Variants in SCN11A observed in about 807,000 individuals in gnomAD.
The protein encoded by SCN11A is sodium channel protein type 11 subunit alpha.
In SCN11A, 122 loss-of-function variants were observed where a neutral mutation model predicts 162.2. The ratio of observed to expected loss-of-function variants is 0.75; its 90% confidence interval spans 0.65 to 0.87. The LOEUF is 0.87. Among genes scored for constraint, SCN11A ranks in the 40% least tolerant of loss-of-function variants. SCN11A has a pLI of 0.00. For missense variants in SCN11A, 2,015 were observed against 2,181.6 expected (o/e 0.92, Z 1.52); for synonymous variants, 758 against 751.5 (o/e 1.01, Z -0.14).
intron 11 of SCN11A, among the ~76,000 whole-genome samples, chr3:38,914,183 CA>C (rs1239188541): frequency 6.6e-6 from 1 of 151,980 alleles, no homozygotes; most frequent in Non-Finnish European, 1.5e-5. Context: ...CAGCATTTTG[CA>C]ATTCTCATTG....
chr3:38,908,869 A>T (rs1452832423), intron 13 of SCN11A, 128 bp downstream of exon 13: 10 of 760,066 alleles, frequency 1.3e-5, no homozygotes, highest in Non-Finnish European at 2.0e-5. Flanking sequence ...ATATTCTCAG[A>T]AAAGCACCAG....
intron 7 of SCN11A, among the ~76,000 whole-genome samples, chr3:38,935,796 G>C (rs879784328): frequency 2.6e-5 from 4 of 152,188 alleles, no homozygotes; most frequent in Admixed American, 6.5e-5. Flanking sequence ...GAGGTACAAG[G>C]AGGAACTGGT....
At chr3:38,918,364 G>A (rs2065993816) in intron 11 of SCN11A, among the ~76,000 whole-genome samples, 1 of 152,150 alleles carries the variant, frequency 6.6e-6, no homozygotes, top group African/African-American at 2.4e-5. Context: ...GCAGGCGAGT[G>A]AGCATTACAC....
intron 19 of SCN11A, among the ~76,000 whole-genome samples, chr3:38,889,802 A>AAAAAAATAAAAT (rs1216685337): frequency 3.1e-5 from 4 of 130,914 alleles, no homozygotes; most frequent in Non-Finnish European, 4.8e-5. Context: ...TCCATCTCAA[A>AAAAAAATAAAAT]AAAATAAAAT....
At chr3:38,876,966 A>T (rs1311989799) in intron 23 of SCN11A, among the ~76,000 whole-genome samples, 2 of 151,068 alleles carry the variant, frequency 1.3e-5, no homozygotes, top group African/African-American at 4.9e-5. Context: ...CCATCAATCA[A>T]CCAGTGGATA....
At chr3:38,948,008 C>T (rs554339684) in intron 5 of SCN11A, among the ~76,000 whole-genome samples, 1 of 152,346 alleles carries the variant, frequency 6.6e-6, no homozygotes, top group South Asian at 2.1e-4. Flanking sequence ...GGTGCCAGAA[C>T]GTCAGCCACT....
chr3:39,043,497 A>C (rs1209859493), intron 1 of SCN11A, among the ~76,000 whole-genome samples: 1 of 151,988 alleles, frequency 6.6e-6, no homozygotes, highest in East Asian at 1.9e-4. Context: ...AAAAAAAAAA[A>C]AAACCCAGAA....
At position 38,867,460 on chromosome 3, in the gene SCN11A, T is replaced by C. The variant is rs778934870; in HGVS notation, c.3814-2A>G. 6.3e-6 allele frequency: 10 copies of C among 1,589,766 alleles called. No homozygotes were observed. The Admixed American group carries it at 1.5e-4, about 24-fold the overall frequency. On this transcript the variant is annotated splice_acceptor_variant, in intron 26 of 29. Coordinates refer to ENST00000302328, the MANE Select transcript of SCN11A (RefSeq NM_001349253.2). LOFTEE classifies it high-confidence loss of function. ...CTCAAACTCTGGCTGTTGTTCTTTC[T>C]GTTAGAAATTTTTTTAATAAGAGAA...
Position 38,894,605 on chromosome 3 carries a change from C to T in SCN11A, c.2763G>A (p.Glu921=). The change falls in exon 19 of 30, where the codon GAG becomes GAA. Residue 921 remains glutamate (E), a synonymous_variant. Coordinates refer to ENST00000302328, the MANE Select transcript of SCN11A (RefSeq NM_001349253.2). ...HDWTWLAPLA[E]EEDDVEFSGE... Reference sequence around the variant, plus strand: ...CAGAAAATTCAACGTCATCTTCCTCCTCCGCAAGTGGTGCCAACCAAGTCC... The same window carrying T: ...CAGAAAATTCAACGTCATCTTCCTCTTCCGCAAGTGGTGCCAACCAAGTCC... 6.2e-7 allele frequency: 1 copy of T among 1,614,128 alleles called. No homozygotes were observed. The highest frequency in any genetic ancestry group is 8.5e-7 in the Non-Finnish European group (1 of 1,180,000).
chr3:39,023,184 G>A (rs1286124994), intron 2 of SCN11A, among the ~76,000 whole-genome samples: 3 of 152,152 alleles, frequency 2.0e-5, no homozygotes, highest in Non-Finnish European at 4.4e-5. Context: ...GAAACTGGAT[G>A]GGGACACAGC....
chr3:38,889,142 C>T (rs1435511956), intron 19 of SCN11A, among the ~76,000 whole-genome samples: 1 of 152,028 alleles, frequency 6.6e-6, no homozygotes, highest in Non-Finnish European at 1.5e-5. Flanking sequence ...TTACCTATTG[C>T]AGGCCAGGCA....
chr3:39,003,932 T>C (rs1469815337), intron 2 of SCN11A, among the ~76,000 whole-genome samples: 2 of 152,218 alleles, frequency 1.3e-5, no homozygotes, highest in Non-Finnish European at 2.9e-5. Flanking sequence ...TAGACCTTTG[T>C]CAGATGCATA....
intron 2 of SCN11A, among the ~76,000 whole-genome samples, chr3:39,031,714 A>G: frequency 6.6e-6 from 1 of 152,288 alleles, no homozygotes; most frequent in Non-Finnish European, 1.5e-5. Flanking sequence ...TTTAATTATG[A>G]TCTTCTAGTC....
intron 2 of SCN11A, among the ~76,000 whole-genome samples, chr3:38,967,497 C>G (rs2066790464): frequency 6.6e-6 from 1 of 152,182 alleles, no homozygotes; most frequent in Non-Finnish European, 1.5e-5. Flanking sequence ...AGCAGACCCT[C>G]TATTTTCAGG....
intron 7 of SCN11A, among the ~76,000 whole-genome samples, chr3:38,930,623 G>A (rs2066225825): frequency 6.6e-6 from 1 of 152,186 alleles, no homozygotes; most frequent in Admixed American, 6.5e-5. Context: ...GTTTCTGCCT[G>A]ACATTCTAGT....
At chr3:38,848,624 T>G (rs1351716135) in intron 29 of SCN11A, among the ~76,000 whole-genome samples, 1 of 152,216 alleles carries the variant, frequency 6.6e-6, no homozygotes, top group Admixed American at 6.5e-5. Context: ...GTTTCTTAAG[T>G]GCCAATTCAG....
At chr3:39,051,821 A>C (rs1481660929) in intron 1 of SCN11A, among the ~76,000 whole-genome samples, 40 bp downstream of exon 1, 6 of 152,132 alleles carry the variant, frequency 3.9e-5, no homozygotes, top group Admixed American at 3.9e-4. Context: ...CCCCATCAGC[A>C]TTATACTTGC....
chr3:38,951,927 G>GC (rs1298663263), intron 4 of SCN11A, among the ~76,000 whole-genome samples: 2 of 152,152 alleles, frequency 1.3e-5, no homozygotes, highest in Non-Finnish European at 2.9e-5. Flanking sequence ...AAATCAGGCT[G>GC]CTGGAGCCAG....
intron 2 of SCN11A, among the ~76,000 whole-genome samples, chr3:38,975,112 G>A (rs1462174395): frequency 6.7e-6 from 1 of 149,046 alleles, no homozygotes; most frequent in South Asian, 2.4e-4. Flanking sequence ...ACTTAAACTT[G>A]TATGCTGATA....
Sources: allele counts gnomAD v4.1 joint callset (sites outside exome capture counted in the v4.1 genomes callset), GRCh38; gene constraint gnomAD v4.1.1; transcripts MANE v1.5; gene names NCBI Gene and HGNC (gene_info 2026-07-23, HGNC 2026-07-21).